Variants in EXOC2 observed in about 807,000 individuals in gnomAD.
The protein encoded by EXOC2 is exocyst complex component 2, also known as SEC5-like 1.
A neutral mutation model predicts 131.8 loss-of-function variants in EXOC2; 70 were observed. The ratio of observed to expected loss-of-function variants is 0.53; its 90% CI spans 0.44 to 0.65. The LOEUF is 0.65. Among genes scored for constraint, EXOC2 ranks in the 30% least tolerant of loss-of-function variants. The pLI, the probability that EXOC2 is intolerant of heterozygous loss-of-function variation, is 0.00. For missense variants in EXOC2, 923 were observed against 1,108.6 expected (o/e 0.83, Z 2.38); for synonymous variants, 411 against 398.4 (o/e 1.03, Z -0.38).
At chr6:556,686 C>T in intron 17 of EXOC2, 122 bp from the exon 18 acceptor site, 4 of 1,025,624 alleles carry the variant, frequency 3.9e-6, no homozygotes, top group Non-Finnish European at 4.4e-6. Context: ...GGAACAGACA[C>T]ACGATCTGAA....
intron 1 of EXOC2, among the ~76,000 whole-genome samples, chr6:647,141 G>A (rs1468315252): frequency 6.6e-6 from 1 of 152,150 alleles, no homozygotes; most frequent in Non-Finnish European, 1.5e-5. Context: ...ATTAAGGTAT[G>A]TCCTCAGTAT....
intron 1 of EXOC2, among the ~76,000 whole-genome samples, chr6:668,909 A>G (rs537841728): frequency 1.1e-4 from 16 of 152,240 alleles, no homozygotes; most frequent in South Asian, 8.3e-4. Flanking sequence ...TTTTTTCTGA[A>G]TATTTTCCAT....
At chr6:513,119 T>C (rs1008276439) in intron 23 of EXOC2, among the ~76,000 whole-genome samples, 5 of 152,250 alleles carry the variant, frequency 3.3e-5, no homozygotes, top group Admixed American at 2.6e-4. Flanking sequence ...GGTGGTGTCT[T>C]TTGGCGGGCA....
At chr6:511,103 A>G (rs369620215) in intron 23 of EXOC2, among the ~76,000 whole-genome samples, 1 of 152,188 alleles carries the variant, frequency 6.6e-6, no homozygotes, top group Admixed American at 6.5e-5. Flanking sequence ...CCTGACCCCT[A>G]TTTTCCTGCG....
chr6:501,998 C>T (rs1428452945), intron 23 of EXOC2, among the ~76,000 whole-genome samples: 1 of 152,130 alleles, frequency 6.6e-6, no homozygotes. Flanking sequence ...CCCGGTGTCC[C>T]CAGACTGCTC....
At chr6:543,254 T>C (rs1292862102) in intron 22 of EXOC2, among the ~76,000 whole-genome samples, 1 of 152,148 alleles carries the variant, frequency 6.6e-6, no homozygotes, top group Non-Finnish European at 1.5e-5. Context: ...TAAAATGTGG[T>C]GCATATACAC....
At chr6:674,779 CT>C (rs1764034196) in intron 1 of EXOC2, among the ~76,000 whole-genome samples, 1 of 151,930 alleles carries the variant, frequency 6.6e-6, no homozygotes, top group Admixed American at 6.6e-5. Flanking sequence ...ATTTTGGAGC[CT>C]GTGGACCAGG....
At chr6:488,652 T>A (rs1763238594) in intron 27 of EXOC2, among the ~76,000 whole-genome samples, 1 of 152,190 alleles carries the variant, frequency 6.6e-6, no homozygotes, top group South Asian at 2.1e-4. Flanking sequence ...TTCTTATGTA[T>A]GCTACTAATA....
Position 599,073 on chromosome 6 carries a change from A to G in EXOC2, c.888+7T>C. 1 of 1,606,784 alleles carries G rather than the reference A, an allele frequency of 6.2e-7. No homozygotes were observed. Among genetic ancestry groups the G allele is most frequent in the Non-Finnish European group, 8.5e-7 (1 of 1,175,732 alleles). ...ACCATATGTAAATAAATAAACATGT[A>G]CTCTACCTTTTGAATATTCCTTTCA... On this transcript the variant is annotated splice_region_variant and intron_variant, in intron 8 of 27. Transcript: ENST00000230449.
chr6:581,080 G>C (rs1032935498), intron 11 of EXOC2, among the ~76,000 whole-genome samples: 1 of 151,940 alleles, frequency 6.6e-6, no homozygotes, highest in South Asian at 2.1e-4. Context: ...GATCATTTGA[G>C]GTCAGGAGTT....
At position 556,506 on chromosome 6, in the gene EXOC2, TC is replaced by T; in HGVS notation, c.1909del (p.Glu637SerfsTer22). 6 of 1,614,060 alleles carry T rather than the reference TC, an allele frequency of 3.7e-6. No homozygotes were observed. Among genetic ancestry groups the T allele is most frequent in the Non-Finnish European group, 5.1e-6 (6 of 1,179,968 alleles). ...TACACTGGCCTCTCCCGGCTTGCAC[TC>T]CAGAACCCCCTTCAGTGACTGCAGA... ...CSLQSLKGVL[E>X]CKPGEASVFQ... On this transcript the variant is annotated frameshift_variant, in exon 18 of 28. Transcript: ENST00000230449. LOFTEE classifies it high-confidence loss of function.
chr6:637,673 G>C, intron 2 of EXOC2, 28 bp downstream of exon 2: 1 of 1,549,934 alleles, frequency 6.5e-7, no homozygotes. Flanking sequence ...CCGATTAGCA[G>C]GGTGCGTCGC....
rs553391329 is a variant in EXOC2, at chr6:554,198, T to C, written c.2055-278A>G. On this transcript the variant is annotated intron_variant, in intron 20 of 27. Transcript: ENST00000230449. ...CTGGGATTACAGGCGCCCGCCACCATGCCTGGCTAATTTTTATATTTTTAG... is the reference window on the plus strand; with the variant it reads ...CTGGGATTACAGGCGCCCGCCACCACGCCTGGCTAATTTTTATATTTTTAG... Among the ~76,000 whole-genome samples, 7 of 152,180 alleles carry C rather than the reference T, an allele frequency of 4.6e-5. No homozygotes were observed. The East Asian group carries it at 1.2e-3, about 25-fold the overall frequency.
intron 22 of EXOC2, among the ~76,000 whole-genome samples, chr6:539,875 G>C (rs1329279121): frequency 1.3e-5 from 2 of 152,134 alleles, no homozygotes; most frequent in Non-Finnish European, 2.9e-5. Flanking sequence ...TGGATGGCAG[G>C]ACAGGTGGCA....
chr6:588,238 A>C (rs545431253), intron 11 of EXOC2, among the ~76,000 whole-genome samples: 2 of 152,374 alleles, frequency 1.3e-5, no homozygotes, highest in East Asian at 3.9e-4. Context: ...TGACAGAGGG[A>C]ACAGTTAAGC....
At chr6:604,721 G>A (rs1400112887) in intron 7 of EXOC2, among the ~76,000 whole-genome samples, 7 of 147,124 alleles carry the variant, frequency 4.8e-5, no homozygotes, top group African/African-American at 1.0e-4. Flanking sequence ...CTGGCCCTGC[G>A]GGGACACACC....
chr6:643,680 C>T (rs1157381155), intron 1 of EXOC2, among the ~76,000 whole-genome samples: 1 of 150,646 alleles, frequency 6.6e-6, no homozygotes, highest in African/African-American at 2.4e-5. Context: ...GAAAAGGAAG[C>T]AGAATGACAG....
At chr6:592,945 G>T (rs1432055796) in intron 10 of EXOC2, among the ~76,000 whole-genome samples, 1 of 152,104 alleles carries the variant, frequency 6.6e-6, no homozygotes, top group Non-Finnish European at 1.5e-5. Context: ...CAGGAGAATC[G>T]CTTGAACCCG....
In EXOC2 at chr6:553,882, C is replaced by G. The variant is rs774584819; in HGVS notation, c.2093G>C (p.Ser698Thr). ...VDVSSPDLFG[S>T]IHEDFSLTSE... ...GGTCAAGCTGAAGTCTTCATGGATA[C>G]TTCCAAACAAGTCAGGGGAAGAAAC... The change falls in exon 21 of 28, where the codon AGT (serine) becomes ACT (threonine). Residue 698 changes from serine (S) to threonine (T), a missense_variant. Ser to Thr is a moderately conservative substitution (Grantham distance 58, BLOSUM62 1). Transcript: ENST00000230449. 51 of 1,613,948 alleles carry G rather than the reference C, an allele frequency of 3.2e-5. No individual in the cohort carries two copies. The highest frequency in any genetic ancestry group is 4.2e-5 in the Non-Finnish European group (49 of 1,179,972).
Sources: gnomAD v4.1 joint callset for allele counts (sites outside exome capture counted in the v4.1 genomes callset) on GRCh38, gnomAD v4.1.1 for gene constraint, MANE v1.5 for transcripts, NCBI Gene and HGNC (gene_info 2026-07-23, HGNC 2026-07-21) for gene names.